The following ZNF215 variants were observed in gnomAD, a reference collection of about 807,000 sequenced individuals.
The protein encoded by ZNF215 is BWSCR2-associated zinc finger protein 2.
Under a neutral mutation model 27.2 loss-of-function variants are expected in ZNF215, and 24 were observed. The observed-to-expected ratio is 0.88, with a 90% CI of 0.64 to 1.24. The LOEUF (loss-of-function observed/expected upper bound fraction) is 1.24. Among genes scored for constraint, ZNF215 ranks in the 50% most tolerant of loss-of-function variants. ZNF215 has a pLI of 0.00. For synonymous variants in ZNF215, 210 were observed against 204.0 expected, an observed-to-expected ratio of 1.03 and a Z score of -0.25; for missense variants, 675 against 605.7, an observed-to-expected ratio of 1.11 and a Z score of -1.20.
chr11:6,960,007 T>A (rs889192646), downstream of ZNF215, among the ~76,000 whole-genome samples: 1 of 152,122 alleles, frequency 6.6e-6, no homozygotes, highest in Non-Finnish European at 1.5e-5. Context: ...TATGTTGATA[T>A]ATTTTTTGAA....
chr11:6,951,894 C>T (rs11517708), intron 6 of ZNF215, among the ~76,000 whole-genome samples: 77 of 152,176 alleles, frequency 5.1e-4, no homozygotes, highest in Non-Finnish European at 1.0e-3. Context: ...TCCCTCTACA[C>T]ACTGCTTTGA....
chr11:6,989,183 G>A (rs540282951), downstream of ZNF215, among the ~76,000 whole-genome samples: 14 of 140,596 alleles, frequency 1.0e-4, no homozygotes, highest in South Asian at 2.4e-4. Context: ...AAGGTATTAT[G>A]TTGGTGCAAA....
At chr11:6,929,696 CTT>C (rs1032070187) in intron 2 of ZNF215, among the ~76,000 whole-genome samples, 5 of 152,168 alleles carry the variant, frequency 3.3e-5, no homozygotes, top group Admixed American at 3.3e-4. Flanking sequence ...GCCAACATGA[CTT>C]ATCGCTATTA....
At chr11:6,943,469 A>T (rs1849699123) in intron 5 of ZNF215, 77 bp from the exon 6 acceptor site, 7 of 1,379,444 alleles carry the variant, frequency 5.1e-6, no homozygotes, top group South Asian at 3.7e-5. Context: ...TCGGGATAGA[A>T]TTATCTTCTC....
chr11:6,955,791 T>G lies in ZNF215; in HGVS notation c.814T>G (p.Trp272Gly). The G allele has an allele frequency of 6.2e-7, 1 of 1,613,626 alleles. No individual in the cohort carries two copies. The highest frequency in any genetic ancestry group is 8.5e-7 in the Non-Finnish European group (1 of 1,179,922). ...TTCAGATGCCTGGAAAGGTGAGAATTGGTTATATAGGAACCAGAAAAAATG... is the reference window on the plus strand; with the variant it reads ...TTCAGATGCCTGGAAAGGTGAGAATGGGTTATATAGGAACCAGAAAAAATG... ...PSSDAWKGENWLYRNQKKWDI... is the reference protein window; with the variant it reads ...PSSDAWKGENGLYRNQKKWDI... The change falls in exon 7 of 7, where the codon TGG becomes GGG. Residue 272 changes from tryptophan (W) to glycine (G), a missense_variant. Trp to Gly is a radical substitution (Grantham distance 184). Coordinates refer to ENST00000278319, the MANE Select transcript of ZNF215 (RefSeq NM_013250.4).
At chr11:6,973,412 A>G (rs1299351228) in intron 5 of ZNF215, among the ~76,000 whole-genome samples, 1 of 152,214 alleles carries the variant, frequency 6.6e-6, no homozygotes, top group Admixed American at 6.5e-5. Flanking sequence ...GTATATACCC[A>G]GTAATGGGAT....
chr11:6,980,497 A>G (rs1850925107), intron 5 of ZNF215, among the ~76,000 whole-genome samples: 1 of 152,130 alleles, frequency 6.6e-6, no homozygotes, highest in Non-Finnish European at 1.5e-5. Flanking sequence ...AAACAGTTTA[A>G]TAAACTAAGT....
chr11:6,981,689 C>G (rs542136049), intron 5 of ZNF215, among the ~76,000 whole-genome samples: 1 of 152,260 alleles, frequency 6.6e-6, no homozygotes, highest in East Asian at 1.9e-4. Context: ...TTGCCCATGC[C>G]TATGTCTTGA....
chr11:6,933,753 C>T (rs1849345302), intron 3 of ZNF215, among the ~76,000 whole-genome samples: 1 of 147,782 alleles, frequency 6.8e-6, no homozygotes, highest in African/African-American at 2.5e-5. Context: ...CGAGATGGCG[C>T]CACTGCACTC....
Position 6,943,542 on chromosome 11 carries a change from A to G in ZNF215, c.617-4A>G. Reference sequence around the variant, plus strand: ...GTTGTTCTTTTTATTTTCTCCATGAACAGCACATCTACTTTCCAAACCATT... The same window carrying G: ...GTTGTTCTTTTTATTTTCTCCATGAGCAGCACATCTACTTTCCAAACCATT... On this transcript the variant is annotated splice_region_variant and splice_polypyrimidine_tract_variant and intron_variant, in intron 5 of 6. Coordinates refer to ENST00000278319, the MANE Select transcript of ZNF215 (RefSeq NM_013250.4). 1 of 1,611,906 alleles carries G rather than the reference A, an allele frequency of 6.2e-7. No individual in the cohort carries two copies. The highest frequency in any genetic ancestry group is 8.5e-7 in the Non-Finnish European group (1 of 1,178,716).
At position 6,935,691 on chromosome 11, in the gene ZNF215, A is replaced by T. The variant is rs117662711; in HGVS notation, c.400+3019A>T. On this transcript the variant is annotated intron_variant, in intron 3 of 6. Coordinates refer to ENST00000278319, the MANE Select transcript of ZNF215 (RefSeq NM_013250.4). ...AAAAAGGAAATAGAAGACTTGAGAA[A>T]CACCATAAACTGACTTGAACTAACA... is the stretch of plus-strand genomic sequence containing the variant. Among the ~76,000 whole-genome samples, 23 of 152,310 alleles carry T rather than the reference A, an allele frequency of 1.5e-4. No homozygotes were observed. The East Asian group carries it at 4.4e-3, about 29-fold the overall frequency.
chr11:6,980,466 G>A (rs893941723), intron 5 of ZNF215, among the ~76,000 whole-genome samples: 3 of 151,836 alleles, frequency 2.0e-5, no homozygotes, highest in Admixed American at 6.6e-5. Flanking sequence ...AGAAAAATCC[G>A]TTTTCAATGT....
intron 6 of ZNF215, among the ~76,000 whole-genome samples, chr11:6,951,984 G>A (rs575926516): frequency 3.9e-5 from 6 of 152,028 alleles, no homozygotes; most frequent in Non-Finnish European, 8.8e-5. Flanking sequence ...CCTTCATTTC[G>A]TTATGCACCC....
At chr11:6,962,141 T>C (rs1850527597), downstream of ZNF215, among the ~76,000 whole-genome samples, 1 of 152,146 alleles carries the variant, frequency 6.6e-6, no homozygotes, top group South Asian at 2.1e-4. Flanking sequence ...CAAAAGCTAG[T>C]AATAAGGGTT....
intron 5 of ZNF215, among the ~76,000 whole-genome samples, chr11:6,966,694 T>C (rs1850626018): frequency 6.6e-6 from 1 of 152,076 alleles, no homozygotes; most frequent in South Asian, 2.1e-4. Flanking sequence ...TCATTGATTA[T>C]TTTTCTATTT....
chr11:6,981,297 C>T (rs1224537073), intron 5 of ZNF215, among the ~76,000 whole-genome samples: 1 of 149,330 alleles, frequency 6.7e-6, no homozygotes, highest in African/African-American at 2.5e-5. Context: ...TTAATGATTG[C>T]CATTCTAACT....
chr11:6,955,009 G>A (rs1398728804), intron 6 of ZNF215, among the ~76,000 whole-genome samples: 2 of 152,226 alleles, frequency 1.3e-5, no homozygotes, highest in Admixed American at 1.3e-4. Flanking sequence ...GAGGACAGGT[G>A]AAAGGAAGAG....
chr11:6,958,716 C>A (rs982254563), downstream of ZNF215, among the ~76,000 whole-genome samples: 1 of 152,170 alleles, frequency 6.6e-6, no homozygotes, highest in Non-Finnish European at 1.5e-5. Context: ...AGCCAAGTCC[C>A]AATTTTACAT....
At chr11:6,947,275 A>G (rs532816044) in intron 6 of ZNF215, among the ~76,000 whole-genome samples, 2 of 152,348 alleles carry the variant, frequency 1.3e-5, no homozygotes, top group Admixed American at 1.3e-4. Context: ...GTGGTGGATT[A>G]AAGATGACCA....
Sources: gnomAD v4.1 joint callset for allele counts (sites outside exome capture counted in the v4.1 genomes callset) on GRCh38, gnomAD v4.1.1 for gene constraint, MANE v1.5 for transcripts, NCBI Gene and HGNC (gene_info 2026-07-23, HGNC 2026-07-21) for gene names.